The following PTPRG variants were observed in gnomAD, a reference collection of about 807,000 sequenced individuals.
The protein encoded by PTPRG is receptor-type tyrosine-protein phosphatase gamma.
In PTPRG, 102 loss-of-function variants were observed where a neutral mutation model predicts 165.3. The observed-to-expected ratio is 0.62, with a 90% CI of 0.53 to 0.73. PTPRG has a LOEUF of 0.73. Among genes scored for constraint, PTPRG ranks in the 30% least tolerant of loss-of-function variants. The pLI, the probability that PTPRG is intolerant of heterozygous loss-of-function variation, is 0.00. For missense variants in PTPRG, 1,866 were observed against 1,861.4 expected, an observed-to-expected ratio of 1.00 and a Z score of -0.05; for synonymous variants, 675 against 669.5, an observed-to-expected ratio of 1.01 and a Z score of -0.13.
intron 1 of PTPRG, among the ~76,000 whole-genome samples, chr3:61,637,185 C>T (rs1244184027): frequency 6.6e-6 from 1 of 152,162 alleles, no homozygotes; most frequent in Non-Finnish European, 1.5e-5. Context: ...TGTACCAGAA[C>T]TAAGATGTCC....
chr3:62,292,275 C>T, intron 28 of PTPRG, 146 bp from the exon 29 acceptor site: 2 of 907,792 alleles, frequency 2.2e-6, no homozygotes, highest in East Asian at 2.7e-5. Flanking sequence ...ATCCCTCCCC[C>T]ACCAGCATTT....
Position 62,168,155 on chromosome 3 carries a change from C to A in PTPRG, c.1025C>A (p.Ala342Asp). The A allele has an allele frequency of 6.2e-7, 1 of 1,612,336 alleles. No homozygotes were observed. The highest frequency in any genetic ancestry group is 8.5e-7 in the Non-Finnish European group (1 of 1,179,288). The change falls in exon 8 of 30, where the codon GCC (alanine) becomes GAC (aspartate). Residue 342 changes from alanine (A) to aspartate (D), a missense_variant. Physicochemically the swap from Ala to Asp is moderately radical, Grantham distance 126. This residue lies in a region of PTPRG where 1,452 missense variants were observed against 1,463.0 expected (regional missense o/e 0.99). Coordinates refer to ENST00000474889, the MANE Select transcript of PTPRG (RefSeq NM_002841.4). ...TTAGAAAACCCACTGGGGACAGAAG[C>A]CTCTAAAGGTATATTTGGCTTAAGT... ...DFLENPLGTE[A>D]SKVCSSPPIH... is the part of the protein sequence containing the mutation.
chr3:62,221,118 C>T (rs1463427088), intron 13 of PTPRG, among the ~76,000 whole-genome samples: 1 of 152,128 alleles, frequency 6.6e-6, no homozygotes, highest in African/African-American at 2.4e-5. Context: ...ATGTATTTTC[C>T]CTTTAGAAAA....
At chr3:61,589,694 C>T (rs929367921) in intron 1 of PTPRG, among the ~76,000 whole-genome samples, 13 of 152,150 alleles carry the variant, frequency 8.5e-5, no homozygotes, top group African/African-American at 2.9e-4. Context: ...TGGCCTTGTC[C>T]GTTGCTGTAT....
chr3:61,813,781 A>C (rs1331237929), intron 2 of PTPRG, among the ~76,000 whole-genome samples: 1 of 152,082 alleles, frequency 6.6e-6, no homozygotes, highest in Non-Finnish European at 1.5e-5. Flanking sequence ...GTGACAAAAG[A>C]AGCAAGGTCT....
intron 2 of PTPRG, among the ~76,000 whole-genome samples, chr3:61,773,458 T>G (rs1247532523): frequency 3.3e-5 from 5 of 152,192 alleles, no homozygotes; most frequent in Non-Finnish European, 5.9e-5. Flanking sequence ...GCTGTGGATT[T>G]GGAAGATCGA....
intron 2 of PTPRG, among the ~76,000 whole-genome samples, chr3:61,845,401 G>A (rs2036778510): frequency 6.6e-6 from 1 of 152,180 alleles, no homozygotes; most frequent in South Asian, 2.1e-4. Flanking sequence ...GCAAACAGCA[G>A]AGACTGTTGC....
At chr3:62,151,831 A>C (rs998058692) in intron 6 of PTPRG, among the ~76,000 whole-genome samples, 2 of 152,076 alleles carry the variant, frequency 1.3e-5, no homozygotes, top group Non-Finnish European at 2.9e-5. Flanking sequence ...TTTAACAAGC[A>C]CTATGCATGC....
chr3:62,203,985 T>C lies in PTPRG; in HGVS notation c.2155+35T>C. On this transcript the variant is annotated intron_variant, in intron 12 of 29. Transcript: ENST00000474889. The surrounding 1 kb of genome is among the most constrained non-coding windows in gnomAD (Gnocchi z 6.4). ...GCAGGTCTTCTTCGAGGGTTCCTGC[T>C]CCTGTGAATAGTCGTACCCTTTTTC... 6.6e-7 allele frequency: 1 copy of C among 1,519,260 alleles called. No homozygotes were observed. Among genetic ancestry groups the C allele is most frequent in the Non-Finnish European group, 8.8e-7 (1 of 1,132,954 alleles). 94.1% of individuals were successfully genotyped at this position (1,519,260 alleles called of 1,614,324 possible). A position where few individuals can be genotyped will look rare whatever the true frequency, so the allele number is the denominator to read the frequency against.
At chr3:62,218,313 T>C (rs1700564417) in intron 12 of PTPRG, among the ~76,000 whole-genome samples, 1 of 152,106 alleles carries the variant, frequency 6.6e-6, no homozygotes, top group Non-Finnish European at 1.5e-5. Flanking sequence ...CAAAGCAGAA[T>C]TGGGGTGTAG....
intron 12 of PTPRG, among the ~76,000 whole-genome samples, chr3:62,215,451 A>G (rs1020213762): frequency 6.6e-6 from 1 of 151,728 alleles, no homozygotes; most frequent in African/African-American, 2.4e-5. Context: ...CACTGACACT[A>G]CAAGTTATTG....
At chr3:62,223,685 A>G (rs956273881) in intron 13 of PTPRG, among the ~76,000 whole-genome samples, 6 of 152,200 alleles carry the variant, frequency 3.9e-5, no homozygotes, top group Non-Finnish European at 2.9e-5. Flanking sequence ...TGCCTGGCAC[A>G]TGGTGAATGT....
At chr3:62,178,532 C>T (rs926819528) in intron 8 of PTPRG, among the ~76,000 whole-genome samples, 1 of 152,110 alleles carries the variant, frequency 6.6e-6, no homozygotes, top group Non-Finnish European at 1.5e-5. Flanking sequence ...TGGATGGAAG[C>T]GTACATTTCA....
At chr3:62,011,673 G>A (rs919742887) in intron 4 of PTPRG, among the ~76,000 whole-genome samples, 1 of 152,016 alleles carries the variant, frequency 6.6e-6, no homozygotes, top group Non-Finnish European at 1.5e-5. Flanking sequence ...TGTATGTCCT[G>A]TGTTAATTAA....
At chr3:61,753,748 C>G in intron 2 of PTPRG, 1 of 354,806 alleles carries the variant, frequency 2.8e-6, no homozygotes, top group Admixed American at 3.9e-5. Context: ...TGTGCACAAT[C>G]ACACTCCCAG....
At chr3:61,830,486 C>G (rs2036248921) in intron 2 of PTPRG, among the ~76,000 whole-genome samples, 1 of 151,536 alleles carries the variant, frequency 6.6e-6, no homozygotes, top group African/African-American at 2.4e-5. Flanking sequence ...TGATTCTTGA[C>G]AGATTTGTCC....
intron 1 of PTPRG, among the ~76,000 whole-genome samples, chr3:61,580,888 C>A (rs1034224229): frequency 1.3e-5 from 2 of 152,200 alleles, no homozygotes; most frequent in African/African-American, 4.8e-5. Context: ...TAGCAAGGTA[C>A]TGTGTGATTT....
intron 12 of PTPRG, among the ~76,000 whole-genome samples, chr3:62,208,310 C>A (rs767629475): frequency 6.6e-6 from 1 of 152,158 alleles, no homozygotes; most frequent in Non-Finnish European, 1.5e-5. Flanking sequence ...CCAACTGATG[C>A]AATGAAATGT....
At chr3:62,292,798 C>A in intron 29 of PTPRG, 1 of 501,456 alleles carries the variant, frequency 2.0e-6, no homozygotes, top group African/African-American at 2.0e-5. Flanking sequence ...TTATGTGGCC[C>A]AAAATGTCAG....
Sources: allele counts gnomAD v4.1 joint callset (sites outside exome capture counted in the v4.1 genomes callset), GRCh38; gene constraint gnomAD v4.1.1; regional missense constraint gnomAD v4.1.1; non-coding constraint Gnocchi (gnomAD v3.1); transcripts MANE v1.5; gene names NCBI Gene and HGNC (gene_info 2026-07-23, HGNC 2026-07-21).